DIAPH2: variants seen among roughly 807,000 people sequenced by gnomAD.
DIAPH2 encodes protein diaphanous homolog 2.
In DIAPH2, 35 loss-of-function variants were observed where a neutral mutation model predicts 92.7. The ratio of observed to expected loss-of-function variants is 0.38; its 90% CI spans 0.29 to 0.50. The LOEUF (loss-of-function observed/expected upper bound fraction) is 0.50. DIAPH2 is among the 20% of genes least tolerant of loss of function. The pLI is 0.94. For synonymous variants in DIAPH2, 301 were observed against 280.4 expected (o/e 1.07, Z -0.73); for missense variants, 701 against 819.5 (o/e 0.86, Z 1.77).
At chrX:97,450,326 A>G (rs911738650) in intron 26 of DIAPH2, among the ~76,000 whole-genome samples, 5 of 111,897 alleles carry the variant, frequency 4.5e-5, no homozygotes, top group African/African-American at 1.6e-4. Flanking sequence ...GGTATTCTAC[A>G]TGCCATAAAT....
intron 5 of DIAPH2, among the ~76,000 whole-genome samples, chrX:96,882,996 A>AAAAAAAAT (rs2065229075): frequency 9.5e-6 from 1 of 105,139 alleles, no homozygotes; most frequent in Admixed American, 1.0e-4. Context: ...AAAAAACAAA[A>AAAAAAAAT]ATCCGGGATC....
intron 22 of DIAPH2, among the ~76,000 whole-genome samples, chrX:97,211,785 T>A (rs1055453263): frequency 1.8e-5 from 2 of 111,758 alleles, no homozygotes; most frequent in African/African-American, 6.5e-5. Flanking sequence ...ACTCTGAAAA[T>A]CAGTAGTGTC....
At chrX:97,225,386 A>G (rs1340411048) in intron 22 of DIAPH2, among the ~76,000 whole-genome samples, 1 of 111,687 alleles carries the variant, frequency 9.0e-6, no homozygotes, top group Admixed American at 9.6e-5. Flanking sequence ...CAGATACCCA[A>G]CTGGAGCCTA....
chrX:97,333,236 C>G (rs146037813), intron 23 of DIAPH2, among the ~76,000 whole-genome samples: 1,749 of 111,887 alleles, frequency 0.016, 39 homozygotes, highest in African/African-American at 0.054. Context: ...CCTTGTACTT[C>G]TTACTGCTTT....
chrX:97,058,392 A>G (rs1167628962), intron 17 of DIAPH2, among the ~76,000 whole-genome samples: 1 of 108,640 alleles, frequency 9.2e-6, no homozygotes, highest in Non-Finnish European at 1.9e-5. Context: ...TTCTTGTAAT[A>G]TGGCTTCTCT....
rs376812892 is a variant in DIAPH2 at position 96,901,831 on chromosome X, G to A, written c.588-10497G>A. 6.8e-4 allele frequency among the ~76,000 whole-genome samples: 75 copies of A among 110,575 alleles called. No homozygotes were observed. In the East Asian group the frequency reaches 0.018, roughly 27 times the overall value. ...ATTACAGGTGTGAGCTACTGCGCCC[G>A]GCCTTTGTTTGTTCTTGTTTCTCTA... On this transcript the variant is annotated intron_variant, in intron 5 of 26. Coordinates refer to ENST00000324765, the MANE Select transcript of DIAPH2 (RefSeq NM_006729.5).
chrX:96,960,207 C>T (rs186283512), intron 16 of DIAPH2, among the ~76,000 whole-genome samples: 2 of 111,310 alleles, frequency 1.8e-5, no homozygotes, highest in South Asian at 3.8e-4. Flanking sequence ...GTTGTATGGT[C>T]GTTTTAACAG....
intron 23 of DIAPH2, among the ~76,000 whole-genome samples, chrX:97,271,813 GCACACACACACACACACA>G (rs780653047): frequency 2.2e-5 from 2 of 91,542 alleles, no homozygotes; most frequent in Non-Finnish European, 4.3e-5. Flanking sequence ...ATATATATAT[GCACACACACACACACACA>G]CACACACACA....
At chrX:96,850,845 G>A (rs753303517) in intron 4 of DIAPH2, among the ~76,000 whole-genome samples, 2 of 111,895 alleles carry the variant, frequency 1.8e-5, no homozygotes, top group Admixed American at 9.5e-5. Context: ...GATTTTATAC[G>A]TTTACAAATG....
intron 26 of DIAPH2, among the ~76,000 whole-genome samples, chrX:97,522,120 C>G (rs766171570): frequency 1.3e-3 from 140 of 111,788 alleles, no homozygotes; most frequent in African/African-American, 4.3e-3. Context: ...GTTCTTATAC[C>G]TAGTTAGTAG....
At chrX:97,101,221 G>C (rs919751302) in intron 20 of DIAPH2, among the ~76,000 whole-genome samples, 3 of 110,228 alleles carry the variant, frequency 2.7e-5, no homozygotes, top group African/African-American at 9.9e-5. Context: ...GAGTTTTACA[G>C]TAGGTATACT....
intron 24 of DIAPH2, among the ~76,000 whole-genome samples, chrX:97,382,172 G>GT (rs2069555674): frequency 1.8e-5 from 2 of 112,117 alleles, no homozygotes; most frequent in Non-Finnish European, 3.8e-5. Flanking sequence ...TTTTCACATT[G>GT]TTTTTTCCCT....
chrX:97,454,667 A>C (rs901165991), intron 26 of DIAPH2, among the ~76,000 whole-genome samples: 5 of 110,698 alleles, frequency 4.5e-5, no homozygotes, highest in Non-Finnish European at 9.4e-5. Context: ...TATCCTGGCC[A>C]ACATGGTGAA....
intron 24 of DIAPH2, among the ~76,000 whole-genome samples, chrX:97,366,338 G>A (rs777889543): frequency 9.9e-5 from 11 of 111,153 alleles, no homozygotes; most frequent in Non-Finnish European, 1.5e-4. Flanking sequence ...TTTACTCTTC[G>A]TCAACATTGA....
intron 4 of DIAPH2, among the ~76,000 whole-genome samples, chrX:96,845,101 G>A (rs1345352687): frequency 1.8e-5 from 2 of 111,726 alleles, no homozygotes; most frequent in African/African-American, 3.3e-5. Context: ...GAAAGATTTT[G>A]TCTTCCTGTC....
chrX:97,460,248 C>T (rs1234860931), intron 26 of DIAPH2, among the ~76,000 whole-genome samples: 1 of 111,884 alleles, frequency 8.9e-6, no homozygotes, highest in Non-Finnish European at 1.9e-5. Context: ...CCTTAGTGGG[C>T]AGGCTGTTTG....
At chrX:97,526,509 A>T (rs1394836167) in intron 26 of DIAPH2, among the ~76,000 whole-genome samples, 1 of 111,119 alleles carries the variant, frequency 9.0e-6, no homozygotes, top group East Asian at 2.8e-4. Flanking sequence ...CTTGGTAACA[A>T]AAGGTAAGAA....
intron 26 of DIAPH2, among the ~76,000 whole-genome samples, chrX:97,596,756 C>T (rs1473758583): frequency 8.9e-6 from 1 of 111,905 alleles, no homozygotes; most frequent in South Asian, 3.8e-4. Context: ...CTGCTTTTTC[C>T]CCATTCGTTT....
chrX:97,027,302 A>C (rs2066342203), intron 17 of DIAPH2, among the ~76,000 whole-genome samples: 1 of 112,157 alleles, frequency 8.9e-6, no homozygotes, highest in Admixed American at 9.5e-5. Flanking sequence ...GTTACGTGCA[A>C]CTGCTACCTT....
Sources: gnomAD v4.1 joint callset for allele counts (sites outside exome capture counted in the v4.1 genomes callset) on GRCh38, gnomAD v4.1.1 for gene constraint, MANE v1.5 for transcripts, NCBI Gene and HGNC (gene_info 2026-07-23, HGNC 2026-07-21) for gene names.